Variants in PDE10A observed in about 807,000 individuals in gnomAD.
PDE10A encodes the protein phosphodiesterase 10A.
A neutral mutation model predicts 97.7 loss-of-function variants in PDE10A; 39 were observed. The observed-to-expected ratio is 0.40, with a 90% CI of 0.31 to 0.52. The LOEUF is 0.52. PDE10A is among the 20% of genes least tolerant of loss of function. The probability of loss-of-function intolerance (pLI) is 0.56; values close to 1 mark genes in which losing one functional copy is unlikely to be tolerated. For missense variants in PDE10A, 731 were observed against 1,047.8 expected, an observed-to-expected ratio of 0.70 and a Z score of 4.17; for synonymous variants, 371 against 376.8, an observed-to-expected ratio of 0.98 and a Z score of 0.18.
chr6:165,960,427 G>C (rs993593082), intron 1 of PDE10A, among the ~76,000 whole-genome samples: 1 of 152,178 alleles, frequency 6.6e-6, no homozygotes, highest in Non-Finnish European at 1.5e-5. Context: ...GAGACAGGAT[G>C]GAGCACAGCA....
intron 1 of PDE10A, among the ~76,000 whole-genome samples, chr6:165,737,249 T>C (rs1792597872): frequency 6.6e-6 from 1 of 152,186 alleles, no homozygotes; most frequent in Non-Finnish European, 1.5e-5. Context: ...CAAACTTTTC[T>C]GAAGAAGCAA....
chr6:165,423,292 TC>T (rs1380435820), intron 10 of PDE10A, among the ~76,000 whole-genome samples: 1 of 152,218 alleles, frequency 6.6e-6, no homozygotes, highest in Non-Finnish European at 1.5e-5. Context: ...GTTGATGTTT[TC>T]AGATCAGAAA....
intron 5 of PDE10A, among the ~76,000 whole-genome samples, chr6:165,437,042 C>A (rs1236775257): frequency 6.6e-6 from 1 of 151,992 alleles, no homozygotes; most frequent in Non-Finnish European, 1.5e-5. Flanking sequence ...GTACCAAAGA[C>A]GGAACTGCAG....
intron 1 of PDE10A, among the ~76,000 whole-genome samples, chr6:165,958,664 G>A (rs1378438959): frequency 2.7e-5 from 4 of 150,448 alleles, no homozygotes; most frequent in African/African-American, 9.9e-5. Flanking sequence ...TGAAAGGAAA[G>A]GAAGGGAAAG....
At chr6:165,488,617 T>C (rs982029201) in intron 2 of PDE10A, among the ~76,000 whole-genome samples, 1 of 152,114 alleles carries the variant, frequency 6.6e-6, no homozygotes, top group African/African-American at 2.4e-5. Context: ...AGGAGGTGGA[T>C]TGCAGCTGCA....
At chr6:165,545,172 C>T in intron 1 of PDE10A, 1 of 508,684 alleles carries the variant, frequency 2.0e-6, no homozygotes, top group Non-Finnish European at 3.9e-6. Flanking sequence ...TGACACAAGG[C>T]TATAGAATTC....
chr6:165,424,513 C>T (rs1788975472), intron 10 of PDE10A, among the ~76,000 whole-genome samples: 1 of 152,054 alleles, frequency 6.6e-6, no homozygotes, highest in Non-Finnish European at 1.5e-5. Flanking sequence ...CTAATGGGGT[C>T]TTAGCTGATT....
intron 1 of PDE10A, among the ~76,000 whole-genome samples, chr6:165,722,421 A>T (rs774384345): frequency 1.6e-4 from 25 of 152,248 alleles, no homozygotes; most frequent in Non-Finnish European, 3.4e-4. Flanking sequence ...AAGACATCCA[A>T]CGGATGCCTG....
Position 165,738,358 on chromosome 6 carries a change from C to T in PDE10A, c.-614-194790G>A, listed in dbSNP as rs1254402381. Among the ~76,000 whole-genome samples the T allele has an allele frequency of 3.3e-5, 5 of 151,658 alleles. No individual in the cohort carries two copies. In the East Asian group the frequency reaches 7.7e-4, roughly 23 times the overall value. ...GACATGAACTCATCATTTTTTATGG[C>T]TGCATAGTATTCCATGGTGTATATG... On this transcript the variant is annotated intron_variant, in intron 1 of 19. Coordinates refer to the PDE10A transcript ENST00000366882.
At chr6:165,895,061 C>T (rs961807984) in intron 1 of PDE10A, among the ~76,000 whole-genome samples, 2 of 152,236 alleles carry the variant, frequency 1.3e-5, no homozygotes, top group Non-Finnish European at 2.9e-5. Context: ...CTCAGCCTGG[C>T]TCAGTACAGG....
At chr6:165,494,546 T>C (rs1244842091) in intron 2 of PDE10A, among the ~76,000 whole-genome samples, 1 of 149,408 alleles carries the variant, frequency 6.7e-6, no homozygotes, top group South Asian at 2.1e-4. Context: ...ATTTATTTAT[T>C]TATTTAATAA....
chr6:165,329,583 A>C lies in PDE10A; in HGVS notation c.*3442T>G, dbSNP rs746665608. 6.6e-6 allele frequency: 1 copy of C among 152,250 alleles called. No individual in the cohort carries two copies. Among genetic ancestry groups the C allele is most frequent in the Non-Finnish European group, 1.5e-5 (1 of 68,052 alleles). The allele number at this position is 152,250 out of a possible 1,614,324, so 9.4% of individuals were successfully genotyped here. On this transcript the variant is annotated 3_prime_UTR_variant, in exon 22 of 22. Transcript: ENST00000539869. ...AAAAAACCCAGGTATCTAAGGATTT[A>C]TGCATCTATTTATATCCTGTACAAT...
chr6:165,860,368 G>C (rs368017779), intron 1 of PDE10A, among the ~76,000 whole-genome samples: 1 of 152,156 alleles, frequency 6.6e-6, no homozygotes, highest in Non-Finnish European at 1.5e-5. Flanking sequence ...CAGGAGAATC[G>C]CTGAACCCGG....
chr6:165,373,932 G>A (rs1285479857), intron 18 of PDE10A, among the ~76,000 whole-genome samples: 1 of 151,596 alleles, frequency 6.6e-6, no homozygotes, highest in Non-Finnish European at 1.5e-5. Flanking sequence ...TCCTTTGTAG[G>A]GACATGGATG....
At chr6:165,860,818 T>C (rs1253067527) in intron 1 of PDE10A, among the ~76,000 whole-genome samples, 1 of 152,220 alleles carries the variant, frequency 6.6e-6, no homozygotes, top group Admixed American at 6.5e-5. Flanking sequence ...CAGTCTGCAC[T>C]AACCTGAGTC....
chr6:165,696,550 TC>T (rs1183493668), intron 1 of PDE10A, among the ~76,000 whole-genome samples: 1 of 151,512 alleles, frequency 6.6e-6, no homozygotes, highest in Non-Finnish European at 1.5e-5. Flanking sequence ...ACTGGGGGGG[TC>T]TTGGAATGTG....
In PDE10A at chr6:165,542,612, C is replaced by CTTTT. The variant is rs545149187; in HGVS notation, c.994+824_994+827dup. Among the ~76,000 whole-genome samples the CTTTT allele has an allele frequency of 2.7e-3, 206 of 76,456 alleles. 11 individuals are homozygous for CTTTT. Among genetic ancestry groups the CTTTT allele is most frequent in the African/African-American group, 3.8e-3 (82 of 21,804 alleles). The allele number at this position is 76,456 out of a possible 152,430, so 50.2% of individuals were successfully genotyped here. On this transcript the variant is annotated intron_variant, in intron 2 of 21. Transcript: ENST00000539869. ...TTTAGGTCAAAAAGATGTCCTTGTT[C>CTTTT]TTTTTTTTTTTTTTTTTTTTTTTTT...
chr6:165,744,551 A>G (rs946517230), intron 1 of PDE10A, among the ~76,000 whole-genome samples: 1 of 152,032 alleles, frequency 6.6e-6, no homozygotes, highest in Non-Finnish European at 1.5e-5. Context: ...ACACATTTAT[A>G]AAAAGCCCAG....
chr6:165,563,981 C>T (rs1784651632), intron 1 of PDE10A, among the ~76,000 whole-genome samples: 1 of 151,906 alleles, frequency 6.6e-6, no homozygotes. Context: ...CTCAGTCAGT[C>T]ACCCCCTCCA....
Sources: gnomAD v4.1 joint callset for allele counts (sites outside exome capture counted in the v4.1 genomes callset) on GRCh38, gnomAD v4.1.1 for gene constraint, MANE v1.5 for transcripts, NCBI Gene and HGNC (gene_info 2026-07-23, HGNC 2026-07-21) for gene names.